Variants in CAMK1D observed in about 807,000 individuals in gnomAD.
CAMK1D encodes the protein calcium/calmodulin dependent protein kinase ID, also known as calcium/calmodulin-dependent protein kinase type 1D.
Under a neutral mutation model 47.7 loss-of-function variants are expected in CAMK1D, and 9 were observed. That is an observed-to-expected ratio of 0.19 (90% CI 0.11 to 0.33). The LOEUF (loss-of-function observed/expected upper bound fraction) is 0.33, where lower values mean the gene tolerates loss of function less well. CAMK1D is among the 10% of genes least tolerant of loss of function. The pLI is 1.00. For missense variants in CAMK1D, 291 were observed against 488.7 expected, an observed-to-expected ratio of 0.60 and a Z score of 3.81; for synonymous variants, 184 against 184.9, an observed-to-expected ratio of 0.99 and a Z score of 0.04.
chr10:12,766,054 C>T (rs552547269), intron 4 of CAMK1D, among the ~76,000 whole-genome samples: 6 of 151,248 alleles, frequency 4.0e-5, no homozygotes, highest in Non-Finnish European at 8.8e-5. Flanking sequence ...CAACCTCTGC[C>T]TCCCAGGTTC....
At chr10:12,607,986 AAGAC>A (rs772544296) in intron 2 of CAMK1D, among the ~76,000 whole-genome samples, 23 of 152,122 alleles carry the variant, frequency 1.5e-4, no homozygotes, top group Non-Finnish European at 2.4e-4. Flanking sequence ...TAAAGAAAGA[AAGAC>A]AGACAGAAAG....
At chr10:12,806,060 G>T (rs1838717616) in intron 6 of CAMK1D, among the ~76,000 whole-genome samples, 1 of 152,226 alleles carries the variant, frequency 6.6e-6, no homozygotes, top group Non-Finnish European at 1.5e-5. Flanking sequence ...ACGGGGCTTT[G>T]GGGGAGAGCA....
In CAMK1D at chr10:12,521,913, T is replaced by C. The variant is rs147610526; in HGVS notation, c.93-31312T>C. Among the ~76,000 whole-genome samples, 250 of 152,242 alleles carry C rather than the reference T, an allele frequency of 1.6e-3. 1 individual carries two copies. Among genetic ancestry groups the C allele is most frequent in the Middle Eastern group, 6.8e-3 (2 of 294 alleles). On this transcript the variant is annotated intron_variant, in intron 1 of 10. Transcript: ENST00000619168. ...ATATTCATTTTTCTTTTGGTTAGTA[T>C]GCATGATACTTCTTCTCCCATCCTT...
chr10:12,626,332 A>G (rs186860185), intron 2 of CAMK1D, among the ~76,000 whole-genome samples: 2 of 152,240 alleles, frequency 1.3e-5, no homozygotes, highest in Admixed American at 6.5e-5. Flanking sequence ...ATAGTTTTGA[A>G]AATCAAATAG....
chr10:12,785,208 A>C (rs1017692141), intron 5 of CAMK1D, among the ~76,000 whole-genome samples: 1 of 152,158 alleles, frequency 6.6e-6, no homozygotes, highest in Non-Finnish European at 1.5e-5. Context: ...GGGTTTCCCT[A>C]TAGCCACTGA....
chr10:12,644,692 A>G (rs903000664), intron 2 of CAMK1D, among the ~76,000 whole-genome samples: 2 of 152,210 alleles, frequency 1.3e-5, no homozygotes, highest in East Asian at 1.9e-4. Context: ...AGGGGCTTCT[A>G]GCCTTTTCTA....
chr10:12,504,108 G>GGGGT (rs149803598), intron 1 of CAMK1D, among the ~76,000 whole-genome samples: 10,309 of 147,708 alleles, frequency 0.07, 410 homozygotes, highest in East Asian at 0.18. Context: ...CAATAAGATG[G>GGGGT]GTGTGTGTGT....
chr10:12,624,854 GGCACA>G (rs949858971), intron 2 of CAMK1D, among the ~76,000 whole-genome samples: 1 of 152,130 alleles, frequency 6.6e-6, no homozygotes, highest in Non-Finnish European at 1.5e-5. Flanking sequence ...AAAATTAAAT[GGCACA>G]GCAGGTAGGG....
intron 3 of CAMK1D, among the ~76,000 whole-genome samples, chr10:12,678,796 A>G (rs997567103): frequency 1.3e-5 from 2 of 151,592 alleles, no homozygotes; most frequent in African/African-American, 4.8e-5. Flanking sequence ...TTTTTTTTTG[A>G]GACAGAGTCT....
intron 4 of CAMK1D, among the ~76,000 whole-genome samples, chr10:12,767,853 G>A (rs1303538440): frequency 6.6e-6 from 1 of 152,182 alleles, no homozygotes; most frequent in Non-Finnish European, 1.5e-5. Context: ...CGTGAGCAGA[G>A]GGAGGACTTT....
chr10:12,404,641 A>G (rs1480616268), intron 1 of CAMK1D, among the ~76,000 whole-genome samples: 1 of 152,100 alleles, frequency 6.6e-6, no homozygotes, highest in Non-Finnish European at 1.5e-5. Context: ...AGAGTTTTAG[A>G]ACGTAAGGGA....
At chr10:12,795,612 A>T (rs1187858453) in intron 6 of CAMK1D, among the ~76,000 whole-genome samples, 1 of 152,192 alleles carries the variant, frequency 6.6e-6, no homozygotes, top group Non-Finnish European at 1.5e-5. Flanking sequence ...TCACGCTGAG[A>T]TATCAGACTG....
At chr10:12,522,814 GCCGGGCGGAGGCGCCCCCCAC>G (rs1835469124) in intron 1 of CAMK1D, among the ~76,000 whole-genome samples, 5 of 100,076 alleles carry the variant, frequency 5.0e-5, no homozygotes, top group South Asian at 8.8e-4. Flanking sequence ...GGGGCGGCTG[GCCGGGCGGAGGCGCCCCCCAC>G]CTCCCTCCCG....
Position 12,812,837 on chromosome 10 carries a change from G to C in CAMK1D, c.642-1358G>C, listed in dbSNP as rs76014944. On this transcript the variant is annotated intron_variant, in intron 6 of 10. Transcript: ENST00000619168. ...CCAAGCATGTTCTAGGTCTTTTCCT[G>C]AGTGTTTTAGCCAGCCAAACTGAAT... is the stretch of plus-strand genomic sequence containing the variant. 4.6e-3 allele frequency among the ~76,000 whole-genome samples: 697 copies of C among 152,228 alleles called. 23 individuals are homozygous for C. In the East Asian group the frequency reaches 0.08, roughly 18 times the overall value.
intron 1 of CAMK1D, among the ~76,000 whole-genome samples, chr10:12,550,724 T>G (rs56403597): frequency 0.059 from 9,026 of 152,274 alleles, 318 homozygotes; most frequent in Middle Eastern, 0.18. Flanking sequence ...GAATAATTTG[T>G]GGATTTGGGC....
chr10:12,436,275 G>A lies in CAMK1D; in HGVS notation c.92+86365G>A, dbSNP rs147537305. 2.0e-4 allele frequency among the ~76,000 whole-genome samples: 30 copies of A among 152,308 alleles called. 2 individuals carry two copies. The East Asian group carries it at 4.6e-3, about 24-fold the overall frequency. ...CCTGGGCCAGCCTGGGCATCCTGTCGATAGAGTCTAGAGTCTGCTGTGGAC... is the reference window on the plus strand; with the variant it reads ...CCTGGGCCAGCCTGGGCATCCTGTCAATAGAGTCTAGAGTCTGCTGTGGAC... On this transcript the variant is annotated intron_variant, in intron 1 of 10. Coordinates refer to ENST00000619168, the MANE Select transcript of CAMK1D (RefSeq NM_153498.4).
At chr10:12,486,839 G>A (rs1455629717) in intron 1 of CAMK1D, among the ~76,000 whole-genome samples, 1 of 152,166 alleles carries the variant, frequency 6.6e-6, no homozygotes, top group Non-Finnish European at 1.5e-5. Context: ...TTGGGAGGCT[G>A]AGAAGGGAGG....
At chr10:12,737,533 T>G (rs1835241870) in intron 3 of CAMK1D, among the ~76,000 whole-genome samples, 1 of 152,244 alleles carries the variant, frequency 6.6e-6, no homozygotes, top group South Asian at 2.1e-4. Flanking sequence ...CCTCTCAACT[T>G]GCAAAGTCCC....
chr10:12,731,268 G>T (rs1426418982), intron 3 of CAMK1D, among the ~76,000 whole-genome samples: 1 of 152,188 alleles, frequency 6.6e-6, no homozygotes, highest in East Asian at 1.9e-4. Flanking sequence ...TGAAGGGAGA[G>T]AATGTGGAGT....
Sources: gnomAD v4.1 joint callset for allele counts (sites outside exome capture counted in the v4.1 genomes callset) on GRCh38, gnomAD v4.1.1 for gene constraint, MANE v1.5 for transcripts, NCBI Gene and HGNC (gene_info 2026-07-23, HGNC 2026-07-21) for gene names.